The following COPS3 variants were observed in gnomAD, a reference collection of about 807,000 sequenced individuals.
COPS3 encodes COP9 signalosome complex subunit 3.
Under a neutral mutation model 58.2 loss-of-function variants are expected in COPS3, and 10 were observed. The ratio of observed to expected loss-of-function variants is 0.17; its 90% confidence interval spans 0.11 to 0.29. COPS3 has a LOEUF of 0.29. COPS3 is among the 10% of genes least tolerant of loss of function. The pLI is 1.00. For missense variants in COPS3, 333 were observed against 510.1 expected (o/e 0.65, Z 3.34); for synonymous variants, 187 against 181.7 (o/e 1.03, Z -0.24).
chr17:17,255,823 A>G (rs1411867191), intron 8 of COPS3, among the ~76,000 whole-genome samples: 2 of 141,568 alleles, frequency 1.4e-5, no homozygotes, highest in African/African-American at 5.5e-5. Context: ...TGGGCAACAG[A>G]GTGAGACTCC....
intron 8 of COPS3, among the ~76,000 whole-genome samples, chr17:17,257,491 G>A (rs886434382): frequency 7.2e-5 from 11 of 151,916 alleles, no homozygotes; most frequent in Non-Finnish European, 1.2e-4. Context: ...AAACAGAGAA[G>A]AGGAACCTAG....
chr17:17,252,318 C>A (rs2047864826), intron 9 of COPS3, among the ~76,000 whole-genome samples: 2 of 141,092 alleles, frequency 1.4e-5, no homozygotes, highest in South Asian at 2.3e-4. Flanking sequence ...GCCTGGCAGT[C>A]CTGACATTTG....
chr17:17,249,075 T>G (rs1041861539), intron 9 of COPS3, 36 bp from the exon 10 acceptor site: 2 of 1,212,372 alleles, frequency 1.6e-6, no homozygotes, highest in African/African-American at 1.5e-5. Flanking sequence ...AGGAAAGCAG[T>G]TTAGACCTGA....
chr17:17,270,314 A>G (rs2145241947), intron 4 of COPS3, among the ~76,000 whole-genome samples: 1 of 152,338 alleles, frequency 6.6e-6, no homozygotes, highest in South Asian at 2.1e-4. Flanking sequence ...GCTCAGAATA[A>G]AAGAGGAAGA....
intron 9 of COPS3, among the ~76,000 whole-genome samples, chr17:17,252,858 G>A (rs565914447): frequency 6.6e-6 from 1 of 152,308 alleles, no homozygotes; most frequent in South Asian, 2.1e-4. Flanking sequence ...GTTTTGTTTG[G>A]TGTGTGCATG....
Position 17,262,015 on chromosome 17 carries a change from A to G in COPS3, c.713T>C (p.Val238Ala), listed in dbSNP as rs1293251130. The change falls in exon 7 of 12, where the codon GTA becomes GCA. Residue 238 changes from valine to alanine, a missense_variant. Coordinates refer to ENST00000268717, the MANE Select transcript of COPS3 (RefSeq NM_003653.4). The part of the protein sequence containing the change: ...ILVSLILLGK[V>A]QQLPKYTSQI... ...AGATGTATATTTTGGTAGCTGTTGT[A>G]CTTTGCCAAGTAATATCAAAGACAC... The G allele has an allele frequency of 6.2e-7, 1 of 1,606,774 alleles. No homozygotes were observed.
intron 9 of COPS3, among the ~76,000 whole-genome samples, chr17:17,253,715 T>C (rs1257777314): frequency 6.6e-6 from 1 of 152,224 alleles, no homozygotes; most frequent in Non-Finnish European, 1.5e-5. Context: ...CAGCAGTTGC[T>C]TGATGTACGT....
At chr17:17,271,457 C>T (rs1344127613) in intron 2 of COPS3, among the ~76,000 whole-genome samples, 1 of 151,318 alleles carries the variant, frequency 6.6e-6, no homozygotes, top group Non-Finnish European at 1.5e-5. Context: ...AACTAGAATC[C>T]ATGAGATTTT....
At chr17:17,280,746 G>C (rs886107490) in intron 1 of COPS3, 2 of 1,246,198 alleles carry the variant, frequency 1.6e-6, no homozygotes, top group African/African-American at 1.6e-5. Flanking sequence ...GCGGATCGGC[G>C]GCAAAGATGA....
At chr17:17,266,934 CG>C (rs2048234820) in intron 5 of COPS3, among the ~76,000 whole-genome samples, 1 of 151,454 alleles carries the variant, frequency 6.6e-6, no homozygotes, top group Admixed American at 6.6e-5. Context: ...TCTGGAACTC[CG>C]GACCTCAGGT....
intron 2 of COPS3, among the ~76,000 whole-genome samples, chr17:17,275,758 A>G (rs1567863540): frequency 1.3e-5 from 2 of 152,170 alleles, no homozygotes; most frequent in Non-Finnish European, 2.9e-5. Context: ...CCTGGCTAAC[A>G]TGGTGAAACC....
At chr17:17,271,897 A>ATAATATATAT (rs11274778) in intron 2 of COPS3, among the ~76,000 whole-genome samples, 42,459 of 145,502 alleles carry the variant, frequency 0.29, 8,273 homozygotes, top group Non-Finnish European at 0.43. Flanking sequence ...TATATATTAA[A>ATAATATATAT]TAATAAACAT....
Position 17,276,136 on chromosome 17 carries a change from G to C in COPS3, c.84C>G (p.Ile28Met), listed in dbSNP as rs751508401. 1 of 1,613,922 alleles carries C rather than the reference G, an allele frequency of 6.2e-7. No individual in the cohort carries two copies. The highest frequency in any genetic ancestry group is 8.5e-7 in the Non-Finnish European group (1 of 1,179,934). The part of the protein sequence containing the change: ...QGQMTQLCEL[I>M]NKSGELLAKN... ...TCGCAAGGAGTTCCCCACTCTTGTT[G>C]ATCAGTTCACAAAGCTGTGTCATTT... Residue 28 changes from isoleucine (I) to methionine (M), a missense_variant, in exon 2 of 12, where the codon ATC (isoleucine) becomes ATG (methionine). Ile to Met is a conservative substitution (Grantham distance 10). Coordinates refer to ENST00000268717, the MANE Select transcript of COPS3 (RefSeq NM_003653.4).
chr17:17,269,099 C>A (rs751867780), intron 4 of COPS3, among the ~76,000 whole-genome samples: 2 of 151,892 alleles, frequency 1.3e-5, no homozygotes, highest in African/African-American at 4.8e-5. Flanking sequence ...CTGAAGCAGG[C>A]GGATCACCAG....
At chr17:17,278,898 G>A (rs972007340) in intron 1 of COPS3, among the ~76,000 whole-genome samples, 35 of 148,466 alleles carry the variant, frequency 2.4e-4, no homozygotes, top group African/African-American at 7.7e-4. Flanking sequence ...TTTTTGAGAC[G>A]GAGTCTTGCT....
At chr17:17,256,164 G>T (rs183042348) in intron 8 of COPS3, among the ~76,000 whole-genome samples, 1 of 151,642 alleles carries the variant, frequency 6.6e-6, no homozygotes, top group Non-Finnish European at 1.5e-5. Context: ...GGGCAACTGA[G>T]CAAGACTCTG....
chr17:17,265,521 C>T (rs958412023), intron 5 of COPS3, among the ~76,000 whole-genome samples: 1 of 151,892 alleles, frequency 6.6e-6, no homozygotes, highest in African/African-American at 2.4e-5. Context: ...GCATTAGCCT[C>T]CCGAGTAGCT....
intron 9 of COPS3, among the ~76,000 whole-genome samples, chr17:17,249,360 G>A (rs2047790095): frequency 6.6e-6 from 1 of 152,038 alleles, no homozygotes; most frequent in Non-Finnish European, 1.5e-5. Context: ...GAGTCTCGCT[G>A]TCCCCCAGGC....
chr17:17,277,579 A>G, intron 1 of COPS3, among the ~76,000 whole-genome samples: 1 of 151,886 alleles, frequency 6.6e-6, no homozygotes, highest in Non-Finnish European at 1.5e-5. Flanking sequence ...CACCATGCCC[A>G]TCTTATTTTT....
Sources: allele counts gnomAD v4.1 joint callset (sites outside exome capture counted in the v4.1 genomes callset), GRCh38; gene constraint gnomAD v4.1.1; transcripts MANE v1.5; gene names NCBI Gene and HGNC (gene_info 2026-07-23, HGNC 2026-07-21).